DGKA: variants seen among roughly 807,000 people sequenced by gnomAD.
The protein encoded by DGKA is 80 kDa diacylglycerol kinase.
A neutral mutation model predicts 105.0 loss-of-function variants in DGKA; 35 were observed. The ratio of observed to expected loss-of-function variants is 0.33; its 90% CI spans 0.25 to 0.44. DGKA has a LOEUF of 0.44. Ranked by LOEUF, DGKA falls within the 20% of genes least tolerant of loss-of-function variation. The pLI, the probability that DGKA is intolerant of heterozygous loss-of-function variation, is 1.00. For synonymous variants in DGKA, 296 were observed against 332.0 expected (o/e 0.89, Z 1.18); for missense variants, 665 against 915.0 (o/e 0.73, Z 3.53).
chr12:55,945,662 C>A (rs1886841345), intron 17 of DGKA, among the ~76,000 whole-genome samples: 1 of 152,180 alleles, frequency 6.6e-6, no homozygotes, highest in Non-Finnish European at 1.5e-5. Context: ...ATCACTCCAA[C>A]CCCTGCTTCC....
chr12:55,930,283 A>C (rs1171510724), upstream of DGKA: 2 of 148,728 alleles, frequency 1.3e-5, no homozygotes, highest in Non-Finnish European at 3.0e-5. Flanking sequence ...GAGGTCATAG[A>C]GGAAGGAGAG....
At chr12:55,949,175 C>G (rs1034895853) in intron 17 of DGKA, among the ~76,000 whole-genome samples, 3 of 152,146 alleles carry the variant, frequency 2.0e-5, no homozygotes, top group African/African-American at 7.2e-5. Context: ...CATGCACACA[C>G]ACACACACAC....
At chr12:55,939,650 T>C (rs1055877274) in intron 9 of DGKA, 121 bp downstream of exon 9, 14 of 905,640 alleles carry the variant, frequency 1.5e-5, no homozygotes, top group Admixed American at 7.2e-5. Context: ...TGACTAGTTA[T>C]GTGACCTTGG....
At chr12:55,942,668 T>G (rs554719241) in intron 17 of DGKA, 7 of 240,166 alleles carry the variant, frequency 2.9e-5, no homozygotes, top group African/African-American at 1.6e-4. Context: ...AGTCATTAAT[T>G]AATTCACTAT....
intron 18 of DGKA, 85 bp downstream of exon 18, chr12:55,951,868 G>T (rs1329523243): frequency 1.6e-5 from 24 of 1,544,432 alleles, no homozygotes; most frequent in Non-Finnish European, 1.8e-5. Context: ...GGAGGGGGAG[G>T]TTAAGTGACC....
At chr12:55,939,128 G>T in intron 7 of DGKA, 58 bp from the exon 8 acceptor site, 1 of 1,606,216 alleles carries the variant, frequency 6.2e-7, no homozygotes, top group Non-Finnish European at 8.5e-7. Flanking sequence ...AGGCAGTGGA[G>T]AGGTGTTGGG....
Position 55,941,054 on chromosome 12 carries a change from G to A in DGKA, c.1101+74G>A, listed in dbSNP as rs1885860951. The A allele has an allele frequency of 3.3e-6, 5 of 1,516,796 alleles. No individual in the cohort carries two copies. The Admixed American group carries it at 5.4e-5, about 16-fold the overall frequency. 94.0% of individuals were successfully genotyped at this position (1,516,796 alleles called of 1,614,324 possible). The stretch of plus-strand genomic sequence containing the variant: ...TGGAGCCCTCATGGGTGGGAATGAA[G>A]TGGGAGAGCCTGGTGGGGAGCGGTT... On this transcript the variant is annotated intron_variant, in intron 13 of 23. Transcript: ENST00000331886.
chr12:55,937,639 G>T, intron 4 of DGKA, 96 bp downstream of exon 4: 1 of 1,486,472 alleles, frequency 6.7e-7, no homozygotes, highest in Non-Finnish European at 9.2e-7. Flanking sequence ...CACACGTTGT[G>T]CAGGTTGGGG....
chr12:55,950,870 T>G (rs943554905), intron 17 of DGKA, among the ~76,000 whole-genome samples: 9 of 152,202 alleles, frequency 5.9e-5, no homozygotes, highest in African/African-American at 2.2e-4. Flanking sequence ...AGTTTTAAAT[T>G]TTAATATAAT....
upstream of DGKA, chr12:55,927,795 G>C (rs1036479989): frequency 2.6e-6 from 4 of 1,535,250 alleles, no homozygotes; most frequent in African/African-American, 4.1e-5. Context: ...TTGGGCGGGC[G>C]GCCCTGGCCT....
chr12:55,936,549 C>T lies in DGKA; in HGVS notation c.46C>T (p.Leu16=). 1.2e-6 allele frequency: 2 copies of T among 1,614,140 alleles called. No individual in the cohort carries two copies. Among genetic ancestry groups the T allele is most frequent in the Non-Finnish European group, 1.7e-6 (2 of 1,180,010 alleles). ...AATAAGCCCCAGTGATTTTGCCCAG[C>T]TGCAAAAATACATGGAATGTGAGTC... ...GLISPSDFAQ[L]QKYMEYSTKK... Residue 16 remains leucine (L), a synonymous_variant, in exon 2 of 24, where the codon CTG becomes TTG. Transcript: ENST00000331886.
At chr12:55,950,368 G>A (rs1438334090) in intron 17 of DGKA, among the ~76,000 whole-genome samples, 3 of 151,360 alleles carry the variant, frequency 2.0e-5, no homozygotes, top group Admixed American at 6.6e-5. Context: ...GTGCAGTGGC[G>A]CAATCTCGGC....
Position 55,952,451 on chromosome 12 carries a change from A to G in DGKA, c.1743+20A>G. On this transcript the variant is annotated intron_variant, in intron 20 of 23. Coordinates refer to ENST00000331886, the MANE Select transcript of DGKA (RefSeq NM_001345.5). The surrounding 1 kb of genome is among the most constrained non-coding windows in gnomAD (Gnocchi z 5.1). ...GTTGAGGTGTGTGTAATAAGACTTA[A>G]CCCTACATCCTTTTCAGCTTCTTAA... 1 of 1,608,998 alleles carries G rather than the reference A, an allele frequency of 6.2e-7. No homozygotes were observed. The highest frequency in any genetic ancestry group is 8.5e-7 in the Non-Finnish European group (1 of 1,175,532).
At chr12:55,951,501 T>C in intron 17 of DGKA, 122 bp from the exon 18 acceptor site, 1 of 1,015,468 alleles carries the variant, frequency 9.8e-7, no homozygotes, top group Non-Finnish European at 1.5e-6. Context: ...TGTCACTGGC[T>C]AGGGCTGGGA....
intron 17 of DGKA, among the ~76,000 whole-genome samples, chr12:55,948,350 G>A (rs1592732145): frequency 6.6e-6 from 1 of 150,800 alleles, no homozygotes; most frequent in East Asian, 2.0e-4. Flanking sequence ...GCAGTGAGCC[G>A]AGATCATGCC....
Position 55,940,548 on chromosome 12 carries a change from T to A in DGKA, c.919-76T>A. 1 of 1,562,062 alleles carries A rather than the reference T, an allele frequency of 6.4e-7. No homozygotes were observed. The highest frequency in any genetic ancestry group is 1.7e-4 in the Middle Eastern group (1 of 5,802). On this transcript the variant is annotated intron_variant, in intron 11 of 23. Coordinates refer to ENST00000331886, the MANE Select transcript of DGKA (RefSeq NM_001345.5). The surrounding 1 kb of genome is among the most constrained non-coding windows in gnomAD (Gnocchi z 4.3). The stretch of plus-strand genomic sequence containing the variant: ...CAGTTGCCCCTGCTCCCAAGGGCTC[T>A]TTCCAGCCCAGACTGCCAGGTTGAG...
Position 55,932,713 on chromosome 12 carries a change from A to G in DGKA, c.-82+1369A>G, listed in dbSNP as rs779104072. 0.015 allele frequency: 2,892 copies of G among 195,738 alleles called. 44 individuals are homozygous for G. Among genetic ancestry groups the G allele is most frequent in the African/African-American group, 0.084 (2,351 of 27,998 alleles). The allele number at this position is 195,738 out of a possible 1,614,324, so 12.1% of individuals were successfully genotyped here. Reference sequence around the variant, plus strand: ...CCTCTACACACACACACACACGCACACACACACACACACACACACACACAC... The same window carrying G: ...CCTCTACACACACACACACACGCACGCACACACACACACACACACACACAC... On this transcript the variant is annotated intron_variant, in intron 1 of 23. Coordinates refer to ENST00000331886, the MANE Select transcript of DGKA (RefSeq NM_001345.5). The surrounding 1 kb of genome is among the most constrained non-coding windows in gnomAD (Gnocchi z 4.3).
rs184815042 is a variant in DGKA at position 55,942,101 on chromosome 12, C to T, written c.1336+18C>T. 35 of 1,613,778 alleles carry T rather than the reference C, an allele frequency of 2.2e-5. No individual in the cohort carries two copies. Among genetic ancestry groups the T allele is most frequent in the East Asian group, 2.2e-5 (1 of 44,876 alleles). On this transcript the variant is annotated intron_variant, in intron 16 of 23. Transcript: ENST00000331886. Reference sequence around the variant, plus strand: ...GACCATTGGTCAGTGCAGGGAGGGGCGTGGGGAAGGTATTGGGGTCGTAGT... The same window carrying T: ...GACCATTGGTCAGTGCAGGGAGGGGTGTGGGGAAGGTATTGGGGTCGTAGT...
rs939371596 is a variant in DGKA, at chr12:55,950,953, T to C, written c.1427-670T>C. On this transcript the variant is annotated intron_variant, in intron 17 of 23. Transcript: ENST00000331886. ...CAAAGATTATAAAAACATTTACTAA[T>C]GTTTTCTTCTAGTACAAATTCTGGC... Among the ~76,000 whole-genome samples the C allele has an allele frequency of 9.2e-5, 14 of 152,312 alleles. No homozygotes were observed. In the East Asian group the frequency reaches 2.7e-3, roughly 29 times the overall value.
Sources: gnomAD v4.1 joint callset for allele counts (sites outside exome capture counted in the v4.1 genomes callset) on GRCh38, gnomAD v4.1.1 for gene constraint, Gnocchi (gnomAD v3.1) non-coding constraint, MANE v1.5 for transcripts, NCBI Gene and HGNC (gene_info 2026-07-23, HGNC 2026-07-21) for gene names.